ARHGAP29: variants seen among roughly 807,000 people sequenced by gnomAD.
ARHGAP29 encodes the protein Rho GTPase activating protein 29, also known as rho GTPase-activating protein 29.
ARHGAP29 carries 43 observed loss-of-function variants against 122.6 expected under a neutral mutation model. That is an observed-to-expected ratio of 0.35 (90% confidence interval 0.27 to 0.45). The LOEUF (loss-of-function observed/expected upper bound fraction) is 0.45. Ranked by LOEUF, ARHGAP29 falls within the 20% of genes least tolerant of loss-of-function variation. The pLI, the probability that ARHGAP29 is intolerant of heterozygous loss-of-function variation, is 1.00. For synonymous variants in ARHGAP29, 506 were observed against 497.1 expected (o/e 1.02, Z -0.24); for missense variants, 1,303 against 1,477.2 (o/e 0.88, Z 1.93).
chr1:94,169,915 C>T lies in ARHGAP29; in HGVS notation c.*3954G>A, dbSNP rs1043724117. On this transcript the variant is annotated 3_prime_UTR_variant, in exon 23 of 23. Coordinates refer to ENST00000260526, the MANE Select transcript of ARHGAP29 (RefSeq NM_004815.4). ...AGCATGAAAATAAGTGACAATAATA[C>T]ACTGTCACTGAATAAAGCAGGCATT... Among the ~76,000 whole-genome samples the T allele has an allele frequency of 2.0e-5, 3 of 152,120 alleles. No homozygotes were observed. The highest frequency in any genetic ancestry group is 7.2e-5 in the African/African-American group (3 of 41,414).
intron 15 of ARHGAP29, among the ~76,000 whole-genome samples, chr1:94,187,655 AC>A (rs1649889046): frequency 6.6e-6 from 1 of 152,034 alleles, no homozygotes; most frequent in Admixed American, 6.6e-5. Flanking sequence ...CCAGGTTTTC[AC>A]CCATTTATCA....
At chr1:94,261,502 AAACTCCATAGTC>A (rs1369563919) in intron 1 of ARHGAP29, among the ~76,000 whole-genome samples, 5 of 152,200 alleles carry the variant, frequency 3.3e-5, no homozygotes, top group African/African-American at 1.2e-4. Context: ...TATGCCTAGA[AAACTCCATAGTC>A]TTGACCTGAA....
At chr1:94,276,394 A>G (rs574569727), upstream of ARHGAP29, among the ~76,000 whole-genome samples, 15 of 152,226 alleles carry the variant, frequency 9.9e-5, no homozygotes, top group Non-Finnish European at 1.6e-4. Context: ...GAGATATCAA[A>G]GGATATTAAG....
upstream of ARHGAP29, chr1:94,237,714 C>T (rs1185099048): frequency 1.0e-6 from 1 of 985,292 alleles, no homozygotes; most frequent in Middle Eastern, 5.2e-4. Flanking sequence ...GTACGGGAGG[C>T]AACTAGCTCG....
intron 1 of ARHGAP29, among the ~76,000 whole-genome samples, chr1:94,266,901 G>A (rs1260614407): frequency 6.6e-6 from 1 of 152,192 alleles, no homozygotes; most frequent in Non-Finnish European, 1.5e-5. Flanking sequence ...TACAACTTTG[G>A]ACATCTTACA....
At chr1:94,309,056 T>C in the ARHGAP29 span, among the ~76,000 whole-genome samples, 1 of 152,216 alleles carries the variant, frequency 6.6e-6, no homozygotes, top group Admixed American at 6.5e-5. Context: ...CATTCCCAAG[T>C]GTACAACAGG....
chr1:94,240,946 C>A (rs1653548979), upstream of ARHGAP29, among the ~76,000 whole-genome samples: 1 of 152,106 alleles, frequency 6.6e-6, no homozygotes, highest in Non-Finnish European at 1.5e-5. Flanking sequence ...CATAGCAGAA[C>A]ATGGGTCTAA....
intron 7 of ARHGAP29, among the ~76,000 whole-genome samples, chr1:94,204,389 A>C (rs543950030): frequency 6.6e-6 from 1 of 152,324 alleles, no homozygotes; most frequent in African/African-American, 2.4e-5. Context: ...CACCTCTCTG[A>C]AGGATAGGAC....
chr1:94,245,176 C>T (rs1047488904), intron 1 of ARHGAP29, among the ~76,000 whole-genome samples: 2 of 152,160 alleles, frequency 1.3e-5, no homozygotes, highest in Non-Finnish European at 2.9e-5. Context: ...TGTGAAACAG[C>T]CTGGCAGTTT....
At chr1:94,184,765 A>T in intron 18 of ARHGAP29, 107 bp downstream of exon 18, 1 of 971,646 alleles carries the variant, frequency 1.0e-6, no homozygotes, top group Non-Finnish European at 1.5e-6. Context: ...GAAACAGAAC[A>T]AAACAAAAAA....
intron 1 of ARHGAP29, among the ~76,000 whole-genome samples, chr1:94,243,452 A>G (rs1241368624): frequency 2.0e-5 from 3 of 152,044 alleles, no homozygotes; most frequent in Non-Finnish European, 2.9e-5. Context: ...AAAATAACCA[A>G]TGGGTCAAAT....
At chr1:94,229,838 T>G (rs958458762) in intron 2 of ARHGAP29, among the ~76,000 whole-genome samples, 2 of 151,654 alleles carry the variant, frequency 1.3e-5, no homozygotes, top group African/African-American at 4.8e-5. Context: ...TGGAGATAAG[T>G]AGTCCAGCTT....
intron 1 of ARHGAP29, among the ~76,000 whole-genome samples, chr1:94,257,945 AC>A (rs1462678467): frequency 6.6e-6 from 1 of 152,078 alleles, no homozygotes; most frequent in Non-Finnish European, 1.5e-5. Flanking sequence ...CTCACTCCAT[AC>A]CTTTTCCTTC....
chr1:94,275,097 T>A (rs570338867), upstream of ARHGAP29: 1 of 152,328 alleles, frequency 6.6e-6, no homozygotes, highest in African/African-American at 2.4e-5. Flanking sequence ...AGCTACTTAC[T>A]TGAATAGCAT....
At chr1:94,198,893 A>T (rs1650643645) in intron 12 of ARHGAP29, among the ~76,000 whole-genome samples, 1 of 152,254 alleles carries the variant, frequency 6.6e-6, no homozygotes, top group Non-Finnish European at 1.5e-5. Flanking sequence ...AAACAATTCT[A>T]TAAAAGAATA....
intron 1 of ARHGAP29, among the ~76,000 whole-genome samples, chr1:94,273,706 G>A (rs1476698957): frequency 6.6e-6 from 1 of 152,114 alleles, no homozygotes; most frequent in African/African-American, 2.4e-5. Context: ...TTAAACATCT[G>A]AAAGATCTTG....
the ARHGAP29 span, among the ~76,000 whole-genome samples, chr1:94,281,322 C>G: frequency 2.6e-5 from 4 of 152,144 alleles, no homozygotes; most frequent in Non-Finnish European, 5.9e-5. Flanking sequence ...TACACTAAGT[C>G]TCTGTGTTTG....
the ARHGAP29 span, among the ~76,000 whole-genome samples, chr1:94,299,328 A>G: frequency 6.6e-6 from 1 of 152,294 alleles, no homozygotes; most frequent in Non-Finnish European, 1.5e-5. Context: ...TTTTAGTGTT[A>G]CTTGTACTCT....
At chr1:94,312,877 G>A in the ARHGAP29 span, among the ~76,000 whole-genome samples, 1 of 152,164 alleles carries the variant, frequency 6.6e-6, no homozygotes, top group South Asian at 2.1e-4. Context: ...ATGGGAGAGT[G>A]CCTAGGGCTC....
Sources: allele counts gnomAD v4.1 joint callset (sites outside exome capture counted in the v4.1 genomes callset), GRCh38; gene constraint gnomAD v4.1.1; transcripts MANE v1.5; gene names NCBI Gene and HGNC (gene_info 2026-07-23, HGNC 2026-07-21).